Variants in RBFOX1 observed in about 807,000 individuals in gnomAD.
RBFOX1 encodes the protein RNA binding fox-1 homolog 1.
A neutral mutation model predicts 57.7 loss-of-function variants in RBFOX1; 8 were observed. The observed-to-expected ratio is 0.14, with a 90% CI of 0.08 to 0.25. The LOEUF is 0.25. Ranked by LOEUF, RBFOX1 falls within the 10% of genes least tolerant of loss-of-function variation. The pLI is 1.00. For missense variants in RBFOX1, 611 were observed against 548.5 expected (o/e 1.11, Z -1.14); for synonymous variants, 326 against 222.4 (o/e 1.47, Z -4.15).
intron 4 of RBFOX1, among the ~76,000 whole-genome samples, chr16:7,381,514 TTTA>T (rs1465469136): frequency 6.6e-5 from 10 of 151,918 alleles, no homozygotes; most frequent in African/African-American, 2.4e-4. Context: ...GCCTTTTTTT[TTTA>T]TTTTATTAAC....
intron 4 of RBFOX1, among the ~76,000 whole-genome samples, chr16:7,141,045 C>T (rs2073632637): frequency 6.6e-6 from 1 of 152,112 alleles, no homozygotes; most frequent in South Asian, 2.1e-4. Flanking sequence ...GCCAGGAAGC[C>T]ACCCTCAGCA....
At chr16:6,499,253 T>G (rs1322720385) in intron 2 of RBFOX1, among the ~76,000 whole-genome samples, 1 of 152,158 alleles carries the variant, frequency 6.6e-6, no homozygotes, top group Non-Finnish European at 1.5e-5. Flanking sequence ...ATGCAAGGAA[T>G]TTGAAAGCTA....
chr16:6,742,976 A>G (rs2072646216), intron 3 of RBFOX1, among the ~76,000 whole-genome samples: 2 of 152,198 alleles, frequency 1.3e-5, no homozygotes, highest in Admixed American at 6.5e-5. Context: ...ATCAATGTCA[A>G]TATCATATAG....
chr16:6,592,482 A>T (rs552859857), intron 2 of RBFOX1, among the ~76,000 whole-genome samples: 102 of 152,368 alleles, frequency 6.7e-4, no homozygotes, highest in African/African-American at 2.5e-3. Context: ...AGAAATGACC[A>T]GTGGTAAAAT....
Position 5,364,500 on chromosome 16 carries a change from G to A in RBFOX1, c.220-102716G>A, listed in dbSNP as rs564592484. 2.3e-4 allele frequency among the ~76,000 whole-genome samples: 35 copies of A among 152,322 alleles called. 1 individual carries two copies. The highest frequency in any genetic ancestry group is 7.9e-4 in the African/African-American group (33 of 41,578). ...AGAGGAACTTACTTTCTTGGTTCCC[G>A]ATGCAAGGGATCTGGCAATAGGGAC... On this transcript the variant is annotated intron_variant, in intron 1 of 2. Coordinates refer to the RBFOX1 transcript ENST00000585867.
intron 3 of RBFOX1, among the ~76,000 whole-genome samples, chr16:6,802,182 G>A (rs2085633142): frequency 1.3e-5 from 2 of 152,094 alleles, no homozygotes; most frequent in South Asian, 4.1e-4. Flanking sequence ...GGCTTTGGTT[G>A]CATCCCAGCC....
intron 1 of RBFOX1, among the ~76,000 whole-genome samples, chr16:6,062,297 C>G (rs1238337925): frequency 2.0e-5 from 3 of 151,956 alleles, no homozygotes; most frequent in Non-Finnish European, 4.4e-5. Flanking sequence ...TTTAGCCCCC[C>G]TGCCCTCTCA....
At position 5,817,699 on chromosome 16, in the gene RBFOX1, A is replaced by ATTT. The variant is rs36037789; in HGVS notation, c.319-49591_319-49589dup. 2.1e-4 allele frequency among the ~76,000 whole-genome samples: 29 copies of ATTT among 141,338 alleles called. 1 individual carries two copies. The highest frequency in any genetic ancestry group is 7.5e-3 in the Middle Eastern group (2 of 268). 92.7% of individuals were successfully genotyped at this position (141,338 alleles called of 152,430 possible). On this transcript the variant is annotated intron_variant, in intron 3 of 19. Transcript: ENST00000641259. Reference sequence around the variant, plus strand: ...TGCAGTGATGGGTCTTGTGGGCTGTATTTTTTTTTTTTTTTGAGACGGAGT... The same window carrying ATTT: ...TGCAGTGATGGGTCTTGTGGGCTGTATTTTTTTTTTTTTTTTTTGAGACGGAGT...
intron 1 of RBFOX1, among the ~76,000 whole-genome samples, chr16:6,143,996 C>G (rs1203121630): frequency 1.4e-5 from 2 of 143,278 alleles, no homozygotes; most frequent in Non-Finnish European, 3.0e-5. Context: ...TACCTACCTA[C>G]CTATGTTGTC....
chr16:5,474,128 A>C (rs2151627806), intron 2 of RBFOX1, among the ~76,000 whole-genome samples: 1 of 152,308 alleles, frequency 6.6e-6, no homozygotes, highest in South Asian at 2.1e-4. Context: ...ATTCCAAAGC[A>C]AATAAGAATT....
At chr16:7,155,045 G>A (rs2076812390) in intron 4 of RBFOX1, among the ~76,000 whole-genome samples, 2 of 152,052 alleles carry the variant, frequency 1.3e-5, no homozygotes, top group Admixed American at 6.6e-5. Context: ...ATTTTGTGTG[G>A]CGGAGGGCAT....
intron 1 of RBFOX1, among the ~76,000 whole-genome samples, chr16:6,262,413 C>T (rs964913931): frequency 1.3e-5 from 2 of 151,974 alleles, no homozygotes; most frequent in Non-Finnish European, 2.9e-5. Flanking sequence ...TGAGTGTGCC[C>T]TGCTGAAGAA....
chr16:6,076,458 A>G (rs2095902816), intron 1 of RBFOX1, among the ~76,000 whole-genome samples: 2 of 152,038 alleles, frequency 1.3e-5, no homozygotes, highest in Non-Finnish European at 2.9e-5. Context: ...GAGCTTTTGC[A>G]TCAGCCTTGC....
intron 1 of RBFOX1, among the ~76,000 whole-genome samples, chr16:6,102,098 C>T (rs1023098146): frequency 6.7e-6 from 1 of 150,056 alleles, no homozygotes; most frequent in Non-Finnish European, 1.5e-5. Flanking sequence ...GATTTCCTTC[C>T]TTATAATTCA....
chr16:6,824,983 G>GTTTTTTGTTTT (rs2091915909), intron 3 of RBFOX1, among the ~76,000 whole-genome samples: 4 of 36,878 alleles, frequency 1.1e-4, no homozygotes, highest in Non-Finnish European at 2.4e-4. Flanking sequence ...TTCTTTCTTG[G>GTTTTTTGTTTT]TTTTTTTTTT....
chr16:6,439,926 G>T (rs1597272817), intron 2 of RBFOX1, among the ~76,000 whole-genome samples: 1 of 126,306 alleles, frequency 7.9e-6, no homozygotes, highest in African/African-American at 3.4e-5. Flanking sequence ...ATACTCAGAA[G>T]GTCTTAAACT....
chr16:6,500,726 C>G (rs1163208853), intron 2 of RBFOX1, among the ~76,000 whole-genome samples: 1 of 152,208 alleles, frequency 6.6e-6, no homozygotes, highest in Middle Eastern at 3.4e-3. Context: ...CAACACTTGA[C>G]AACATCTTGA....
chr16:7,561,254 G>A (rs536253393), intron 5 of RBFOX1, among the ~76,000 whole-genome samples: 1 of 152,240 alleles, frequency 6.6e-6, no homozygotes, highest in African/African-American at 2.4e-5. Flanking sequence ...TGGTTCATTT[G>A]TTTACATATT....
intron 4 of RBFOX1, among the ~76,000 whole-genome samples, chr16:7,112,257 C>G (rs1220030440): frequency 2.0e-5 from 3 of 152,100 alleles, no homozygotes; most frequent in Admixed American, 6.6e-5. Context: ...GGCTGGAGTG[C>G]AGTGGTGCAA....
Sources: gnomAD v4.1 joint callset for allele counts (sites outside exome capture counted in the v4.1 genomes callset) on GRCh38, gnomAD v4.1.1 for gene constraint, MANE v1.5 for transcripts, NCBI Gene and HGNC (gene_info 2026-07-23, HGNC 2026-07-21) for gene names.